Variants in CNTNAP2 observed in about 807,000 individuals in gnomAD.
CNTNAP2 encodes the protein contactin-associated protein-like 2.
In CNTNAP2, 98 loss-of-function variants were observed where a neutral mutation model predicts 155.2. The ratio of observed to expected loss-of-function variants is 0.63; its 90% CI spans 0.54 to 0.75. CNTNAP2 has a LOEUF of 0.75. CNTNAP2 is among the 30% of genes least tolerant of loss of function. CNTNAP2 has a pLI of 0.00. For missense variants in CNTNAP2, 1,727 were observed against 1,688.1 expected (o/e 1.02, Z -0.40); for synonymous variants, 651 against 631.2 (o/e 1.03, Z -0.47).
chr7:146,529,331 T>C (rs1797735028), intron 1 of CNTNAP2, among the ~76,000 whole-genome samples: 1 of 152,186 alleles, frequency 6.6e-6, no homozygotes, highest in Non-Finnish European at 1.5e-5. Flanking sequence ...TTTGTCTCTC[T>C]GTGAAGCAGA....
At chr7:148,061,332 CA>C (rs1450515951) in intron 15 of CNTNAP2, among the ~76,000 whole-genome samples, 1 of 151,928 alleles carries the variant, frequency 6.6e-6, no homozygotes, top group Non-Finnish European at 1.5e-5. Context: ...GATAGAATTC[CA>C]AAGTGCCCAC....
At chr7:147,540,769 C>T (rs1039638188) in intron 11 of CNTNAP2, among the ~76,000 whole-genome samples, 11 of 151,512 alleles carry the variant, frequency 7.3e-5, no homozygotes, top group African/African-American at 1.2e-4. Flanking sequence ...AGTTGGAGGT[C>T]GCAATGAGCC....
At chr7:148,402,425 A>C (rs1389972327) in intron 22 of CNTNAP2, among the ~76,000 whole-genome samples, 1 of 152,188 alleles carries the variant, frequency 6.6e-6, no homozygotes, top group Non-Finnish European at 1.5e-5. Flanking sequence ...AAACCTGCTG[A>C]CTTAGAGAAA....
chr7:146,480,994 T>C (rs1344407828), intron 1 of CNTNAP2, among the ~76,000 whole-genome samples: 6 of 146,356 alleles, frequency 4.1e-5, no homozygotes, highest in Non-Finnish European at 7.4e-5. Context: ...GAACCTGGTA[T>C]ATTAATGAAA....
At chr7:146,447,315 G>A (rs938701691) in intron 1 of CNTNAP2, among the ~76,000 whole-genome samples, 2 of 151,966 alleles carry the variant, frequency 1.3e-5, no homozygotes, top group African/African-American at 4.8e-5. Flanking sequence ...TCAATAACTA[G>A]CTCTTTTCTT....
chr7:148,391,089 G>A (rs1056911491), intron 22 of CNTNAP2, among the ~76,000 whole-genome samples: 1 of 151,718 alleles, frequency 6.6e-6, no homozygotes, highest in Non-Finnish European at 1.5e-5. Context: ...GTTCTGGCAC[G>A]CTTTTAACAC....
At chr7:148,254,593 G>T (rs187194944) in intron 20 of CNTNAP2, among the ~76,000 whole-genome samples, 12 of 151,924 alleles carry the variant, frequency 7.9e-5, no homozygotes, top group African/African-American at 2.9e-4. Context: ...TGGCTAACAC[G>T]GTGAAACCCC....
chr7:147,331,511 G>C (rs1795568620), intron 9 of CNTNAP2, among the ~76,000 whole-genome samples: 1 of 152,018 alleles, frequency 6.6e-6, no homozygotes, highest in African/African-American at 2.4e-5. Context: ...AGTCAAAACT[G>C]TACATATGAA....
chr7:146,143,623 A>G (rs1425476158), intron 1 of CNTNAP2, among the ~76,000 whole-genome samples: 1 of 152,154 alleles, frequency 6.6e-6, no homozygotes, highest in Non-Finnish European at 1.5e-5. Flanking sequence ...GTTTCATATT[A>G]GAATGTTTTC....
intron 8 of CNTNAP2, among the ~76,000 whole-genome samples, chr7:147,160,797 C>T (rs1016130766): frequency 6.6e-5 from 10 of 151,978 alleles, no homozygotes; most frequent in Non-Finnish European, 1.3e-4. Flanking sequence ...AAAGTAATGC[C>T]ATCAATAGAC....
At chr7:148,167,057 A>G (rs556895256) in intron 17 of CNTNAP2, among the ~76,000 whole-genome samples, 2 of 152,298 alleles carry the variant, frequency 1.3e-5, no homozygotes, top group African/African-American at 4.8e-5. Context: ...AGCCTAATTT[A>G]TTTAGTTTTC....
intron 14 of CNTNAP2, among the ~76,000 whole-genome samples, chr7:147,919,727 G>A (rs56283447): frequency 0.076 from 11,574 of 151,334 alleles, 639 homozygotes; most frequent in African/African-American, 0.14. Flanking sequence ...CAAAGTGCTG[G>A]GATTACAGGC....
chr7:146,362,725 T>C (rs1456163159), intron 1 of CNTNAP2, among the ~76,000 whole-genome samples: 3 of 151,386 alleles, frequency 2.0e-5, no homozygotes, highest in Admixed American at 2.0e-4. Context: ...ACAAACTGAA[T>C]TATAGCAAAA....
chr7:148,148,630 C>T (rs1001817877), intron 17 of CNTNAP2, among the ~76,000 whole-genome samples: 3 of 152,242 alleles, frequency 2.0e-5, no homozygotes, highest in African/African-American at 4.8e-5. Flanking sequence ...CTCCACCCTA[C>T]GTTACAGCCT....
intron 9 of CNTNAP2, among the ~76,000 whole-genome samples, chr7:147,382,151 A>G (rs1430101441): frequency 1.3e-5 from 2 of 152,122 alleles, no homozygotes; most frequent in East Asian, 3.8e-4. Context: ...TTGGAAAACC[A>G]GATCATTAGA....
At chr7:146,517,565 T>G (rs545930557) in intron 1 of CNTNAP2, among the ~76,000 whole-genome samples, 55 of 152,064 alleles carry the variant, frequency 3.6e-4, no homozygotes, top group Admixed American at 1.6e-3. Flanking sequence ...GCACAGATCA[T>G]GGAGAGACTC....
At chr7:146,840,789 C>G (rs572552423) in intron 3 of CNTNAP2, among the ~76,000 whole-genome samples, 1 of 152,090 alleles carries the variant, frequency 6.6e-6, no homozygotes, top group Non-Finnish European at 1.5e-5. Context: ...TTCTAAGTAA[C>G]AAGAGTTTAT....
At chr7:148,165,327 A>C (rs1228557808) in intron 17 of CNTNAP2, among the ~76,000 whole-genome samples, 1 of 152,144 alleles carries the variant, frequency 6.6e-6, no homozygotes, top group Non-Finnish European at 1.5e-5. Context: ...GCCTCATTTA[A>C]TGTTAAGTAC....
At chr7:147,273,719 CATTTTATATATGTAATATAT>C (rs535225504) in intron 8 of CNTNAP2, among the ~76,000 whole-genome samples, 3,779 of 145,376 alleles carry the variant, frequency 0.026, 152 homozygotes, top group African/African-American at 0.09. Flanking sequence ...AGTATTTCAT[CATTTTATATATGTAATATAT>C]ATTTTATATA....
Sources: allele counts gnomAD v4.1 joint callset (sites outside exome capture counted in the v4.1 genomes callset), GRCh38; gene constraint gnomAD v4.1.1; transcripts MANE v1.5; gene names NCBI Gene and HGNC (gene_info 2026-07-23, HGNC 2026-07-21).